Variants in RRAGD observed in about 807,000 individuals in gnomAD.
RRAGD encodes Ras related GTP binding D.
In RRAGD, 12 loss-of-function variants were observed where a neutral mutation model predicts 35.5. The ratio of observed to expected loss-of-function variants is 0.34; its 90% CI spans 0.22 to 0.55. The LOEUF (loss-of-function observed/expected upper bound fraction) is 0.55, where lower values mean the gene tolerates loss of function less well. RRAGD is among the 20% of genes least tolerant of loss of function. The probability of loss-of-function intolerance (pLI) is 0.91; values close to 1 mark genes in which losing one functional copy is unlikely to be tolerated. For synonymous variants in RRAGD, 155 were observed against 178.9 expected (o/e 0.87, Z 1.07); for missense variants, 324 against 490.1 (o/e 0.66, Z 3.20).
intron 2 of RRAGD, among the ~76,000 whole-genome samples, chr6:89,383,920 G>A (rs912073333): frequency 2.6e-5 from 4 of 151,906 alleles, no homozygotes; most frequent in Admixed American, 6.6e-5. Flanking sequence ...TCAAGAGATC[G>A]AGACCATCCT....
intron 5 of RRAGD, among the ~76,000 whole-genome samples, chr6:89,374,278 A>G (rs1369061973): frequency 6.6e-6 from 1 of 152,252 alleles, no homozygotes; most frequent in Non-Finnish European, 1.5e-5. Context: ...AAACCTAGAT[A>G]TGGCTAATTT....
chr6:89,392,793 C>A (rs1183869355), intron 1 of RRAGD, among the ~76,000 whole-genome samples: 2 of 152,118 alleles, frequency 1.3e-5, no homozygotes, highest in African/African-American at 4.8e-5. Flanking sequence ...AAGACAATGA[C>A]TGAATAAAGA....
At chr6:89,384,817 A>T (rs1424482658) in intron 2 of RRAGD, among the ~76,000 whole-genome samples, 3 of 145,812 alleles carry the variant, frequency 2.1e-5, no homozygotes, top group Non-Finnish European at 1.5e-5. Flanking sequence ...CCGTCTCAAA[A>T]AAAAAAAAAA....
chr6:89,380,124 T>C, intron 3 of RRAGD, 44 bp downstream of exon 3: 1 of 1,591,632 alleles, frequency 6.3e-7, no homozygotes, highest in Admixed American at 1.7e-5. Flanking sequence ...AAACTTGCTT[T>C]CTTCCATCCT....
At chr6:89,403,099 A>C (rs1320028138) in intron 1 of RRAGD, among the ~76,000 whole-genome samples, 2 of 152,164 alleles carry the variant, frequency 1.3e-5, no homozygotes, top group African/African-American at 4.8e-5. Flanking sequence ...ATGCTTAAAA[A>C]CATATTAAGA....
chr6:89,407,406 G>C (rs1769602364), intron 1 of RRAGD, among the ~76,000 whole-genome samples: 1 of 152,250 alleles, frequency 6.6e-6, no homozygotes, highest in Non-Finnish European at 1.5e-5. Context: ...GGGAGGCCAA[G>C]GCAGGTGGAT....
At chr6:89,377,897 T>A in intron 4 of RRAGD, 84 bp from the exon 5 acceptor site, 1 of 978,608 alleles carries the variant, frequency 1.0e-6, no homozygotes, top group Non-Finnish European at 1.5e-6. Flanking sequence ...ATGCCATTCT[T>A]AATGTAAAAT....
intron 2 of RRAGD, among the ~76,000 whole-genome samples, chr6:89,383,604 T>A (rs1769086350): frequency 6.6e-6 from 1 of 152,146 alleles, no homozygotes; most frequent in Admixed American, 6.6e-5. Context: ...ACATGTGCAA[T>A]GGCTTCAGGA....
chr6:89,402,714 C>A (rs529689756), intron 1 of RRAGD, among the ~76,000 whole-genome samples: 2 of 152,240 alleles, frequency 1.3e-5, no homozygotes, highest in Admixed American at 6.5e-5. Context: ...GGACTCAGGG[C>A]CTCAGAAGGG....
intron 1 of RRAGD, 95 bp from the exon 2 acceptor site, chr6:89,387,685 A>C: frequency 3.4e-6 from 4 of 1,178,540 alleles, no homozygotes; most frequent in Middle Eastern, 2.1e-4. Context: ...TTTATGATTC[A>C]CAGATGATGC....
intron 1 of RRAGD, among the ~76,000 whole-genome samples, chr6:89,388,277 A>G (rs554073038): frequency 6.6e-6 from 1 of 152,236 alleles, no homozygotes; most frequent in South Asian, 2.1e-4. Context: ...TCCTCCTCCT[A>G]TGATGTTTCT....
At chr6:89,401,625 C>T (rs1376566242) in intron 1 of RRAGD, among the ~76,000 whole-genome samples, 1 of 150,962 alleles carries the variant, frequency 6.6e-6, no homozygotes, top group East Asian at 1.9e-4. Context: ...TCATCTTCTC[C>T]ACTTGTTCCC....
rs58343827 is a variant in RRAGD, at chr6:89,382,400, A to AATATATATATATATATATAT, written c.445-2053_445-2034dup. Among the ~76,000 whole-genome samples the AATATATATATATATATATAT allele has an allele frequency of 4.5e-3, 594 of 130,806 alleles. 9 individuals carry two copies. The highest frequency in any genetic ancestry group is 0.016 in the African/African-American group (500 of 31,154). 85.8% of individuals were successfully genotyped at this position (130,806 alleles called of 152,430 possible). On this transcript the variant is annotated intron_variant, in intron 2 of 6. Coordinates refer to ENST00000369415, the MANE Select transcript of RRAGD (RefSeq NM_021244.5). ...ACACAGTGAGACCCCTATCTCTAGAAATATATATATATATATATATATGTA... is the reference window on the plus strand; with the variant it reads ...ACACAGTGAGACCCCTATCTCTAGAAATATATATATATATATATATATATATATATATATATATATATGTA...
chr6:89,402,065 G>A (rs1449757180), intron 1 of RRAGD, among the ~76,000 whole-genome samples: 1 of 26,808 alleles, frequency 3.7e-5, no homozygotes, highest in Non-Finnish European at 6.2e-5. Flanking sequence ...TTTTTTGGTG[G>A]GGGATGGAGT....
intron 6 of RRAGD, among the ~76,000 whole-genome samples, chr6:89,370,192 T>C (rs1166609665): frequency 6.6e-6 from 1 of 152,256 alleles, no homozygotes; most frequent in South Asian, 2.1e-4. Flanking sequence ...GGTGTATTCC[T>C]GTCTATCTTT....
At chr6:89,372,327 TG>T in intron 6 of RRAGD, 109 bp downstream of exon 6, 1 of 1,200,306 alleles carries the variant, frequency 8.3e-7, no homozygotes, top group Non-Finnish European at 1.1e-6. Flanking sequence ...GACTGGCATC[TG>T]GAAGTTTCGA....
rs149177653 is a variant in RRAGD, at chr6:89,407,868, C to T, written c.148+3978G>A. On this transcript the variant is annotated intron_variant, in intron 1 of 6. Coordinates refer to ENST00000369415, the MANE Select transcript of RRAGD (RefSeq NM_021244.5). ...GTTTGTGCCTCCCGTTTCCATTAGA[C>T]TACCCTCTATCTAGTATTAAAATGG... Among the ~76,000 whole-genome samples, 71 of 152,080 alleles carry T rather than the reference C, an allele frequency of 4.7e-4. No individual in the cohort carries two copies. The Middle Eastern group carries it at 0.01, about 22-fold the overall frequency.
chr6:89,378,936 AT>A (rs11395340), intron 4 of RRAGD, among the ~76,000 whole-genome samples: 2 of 151,914 alleles, frequency 1.3e-5, no homozygotes, highest in Non-Finnish European at 2.9e-5. Flanking sequence ...TAGTTTTTAC[AT>A]TTTTTTTGTA....
intron 1 of RRAGD, among the ~76,000 whole-genome samples, chr6:89,393,645 G>A (rs1421463681): frequency 6.6e-6 from 1 of 152,212 alleles, no homozygotes; most frequent in Non-Finnish European, 1.5e-5. Flanking sequence ...GGTGGATACA[G>A]TACCATCTTC....
Sources: allele counts gnomAD v4.1 joint callset (sites outside exome capture counted in the v4.1 genomes callset), GRCh38; gene constraint gnomAD v4.1.1; transcripts MANE v1.5; gene names NCBI Gene and HGNC (gene_info 2026-07-23, HGNC 2026-07-21).